KLRG1: variants seen among roughly 807,000 people sequenced by gnomAD.
KLRG1 encodes killer cell lectin-like receptor subfamily G member 1.
In KLRG1, 16 loss-of-function variants were observed where a neutral mutation model predicts 21.8. The observed-to-expected ratio is 0.73, with a 90% CI of 0.50 to 1.11. The LOEUF (loss-of-function observed/expected upper bound fraction) is 1.11. KLRG1 is among the 50% of genes most tolerant of loss of function. The probability of loss-of-function intolerance (pLI) is 0.00; values close to 1 mark genes in which losing one functional copy is unlikely to be tolerated. For missense variants in KLRG1, 173 were observed against 218.3 expected (o/e 0.79, Z 1.31); for synonymous variants, 69 against 75.9 (o/e 0.91, Z 0.47).
the KLRG1 span, chr12:9,150,860 C>G: frequency 1.0e-5 from 7 of 697,216 alleles, no homozygotes; most frequent in Non-Finnish European, 1.7e-5. Context: ...TTTAGGTGAC[C>G]AGACATTTGT....
the KLRG1 span, chr12:9,196,796 T>A: frequency 1.1e-6 from 1 of 914,340 alleles, no homozygotes; most frequent in Non-Finnish European, 1.7e-6. Context: ...ATTAAGTAAG[T>A]TAATTGACCT....
chr12:9,184,558 A>G, the KLRG1 span, among the ~76,000 whole-genome samples: 1 of 152,188 alleles, frequency 6.6e-6, no homozygotes, highest in Non-Finnish European at 1.5e-5. Context: ...ACAGCTGATG[A>G]GCGTGTACCC....
the KLRG1 span, among the ~76,000 whole-genome samples, chr12:9,138,279 A>AT: frequency 5.5e-4 from 83 of 151,584 alleles, 2 homozygotes; most frequent in African/African-American, 1.2e-3. Flanking sequence ...TAATTATGTG[A>AT]TTTTTTTTCC....
chr12:9,060,516 C>T, the KLRG1 span, among the ~76,000 whole-genome samples: 2 of 152,086 alleles, frequency 1.3e-5, no homozygotes, highest in Non-Finnish European at 2.9e-5. Flanking sequence ...CCTATAGTTC[C>T]AGCTCCTAGG....
the KLRG1 span, among the ~76,000 whole-genome samples, chr12:9,156,526 G>A: frequency 6.6e-6 from 1 of 152,198 alleles, no homozygotes; most frequent in African/African-American, 2.4e-5. Flanking sequence ...GCATTGGGTG[G>A]GAATTTAGGG....
chr12:9,118,899 G>A, the KLRG1 span, among the ~76,000 whole-genome samples: 1 of 152,146 alleles, frequency 6.6e-6, no homozygotes, highest in South Asian at 2.1e-4. Flanking sequence ...TAATACCCAC[G>A]TAGAAGATGT....
At chr12:9,195,576 T>C in the KLRG1 span, among the ~76,000 whole-genome samples, 5 of 150,526 alleles carry the variant, frequency 3.3e-5, no homozygotes, top group Admixed American at 1.3e-4. Context: ...CCCAAGCAGC[T>C]GGGACTACAG....
the KLRG1 span, among the ~76,000 whole-genome samples, chr12:9,135,951 C>T: frequency 6.8e-6 from 1 of 147,944 alleles, no homozygotes; most frequent in Non-Finnish European, 1.5e-5. Flanking sequence ...TGAACTATCA[C>T]ACTTGAAAAT....
At chr12:9,093,758 T>A in the KLRG1 span, among the ~76,000 whole-genome samples, 37,098 of 151,436 alleles carry the variant, frequency 0.24, 6,486 homozygotes, top group African/African-American at 0.5. Context: ...AATATGTTGG[T>A]TGACTTAACA....
chr12:9,153,007 C>G, the KLRG1 span: 965 of 1,612,040 alleles, frequency 6.0e-4, 1 homozygote, highest in Non-Finnish European at 7.3e-4. Flanking sequence ...CCCTCACTTC[C>G]TCATTACTTA....
chr12:9,006,328 A>G (rs1340140025), intron 3 of KLRG1, among the ~76,000 whole-genome samples: 1 of 152,242 alleles, frequency 6.6e-6, no homozygotes, highest in Non-Finnish European at 1.5e-5. Context: ...GGGAGGGAAC[A>G]TTTGAGTTGA....
At chr12:8,989,527 A>T, upstream of KLRG1, 17 of 683,662 alleles carry the variant, frequency 2.5e-5, no homozygotes, top group South Asian at 3.1e-4. Context: ...GCTTTTGTGA[A>T]GTTTCCTGCT....
chr12:9,200,686 T>C, the KLRG1 span, among the ~76,000 whole-genome samples: 2 of 152,146 alleles, frequency 1.3e-5, no homozygotes, highest in South Asian at 4.1e-4. Context: ...AAACAAGAAG[T>C]TTCATACTTG....
intron 1 of KLRG1, among the ~76,000 whole-genome samples, chr12:8,961,050 A>G (rs934823434): frequency 6.6e-6 from 1 of 152,184 alleles, no homozygotes. Flanking sequence ...TCCATTTTAC[A>G]TAAGGAAACT....
downstream of KLRG1, among the ~76,000 whole-genome samples, chr12:9,014,074 G>GA (rs1247557684): frequency 7.2e-5 from 11 of 151,922 alleles, no homozygotes; most frequent in Admixed American, 2.0e-4. Flanking sequence ...GGAGACAACA[G>GA]AAAAAAGAAT....
At chr12:9,023,658 A>G in the KLRG1 span, among the ~76,000 whole-genome samples, 5 of 151,244 alleles carry the variant, frequency 3.3e-5, no homozygotes, top group African/African-American at 1.2e-4. Context: ...CCTGGGCTCA[A>G]AATCCTCTTG....
the KLRG1 span, among the ~76,000 whole-genome samples, chr12:9,015,779 A>G: frequency 6.6e-6 from 1 of 152,214 alleles, no homozygotes; most frequent in African/African-American, 2.4e-5. Flanking sequence ...AGTCTTTAAA[A>G]GTTCAAAAAA....
intron 1 of KLRG1, among the ~76,000 whole-genome samples, chr12:8,962,839 C>T (rs1312297543): frequency 6.6e-6 from 1 of 152,092 alleles, no homozygotes; most frequent in Non-Finnish European, 1.5e-5. Flanking sequence ...ACCTGTGGTA[C>T]TACGTCAGTC....
At chr12:9,201,464 G>A in the KLRG1 span, 2 of 758,430 alleles carry the variant, frequency 2.6e-6, no homozygotes, top group Non-Finnish European at 2.2e-6. Flanking sequence ...AATTCAACAA[G>A]AAACATAACA....
Sources: gnomAD v4.1 joint callset for allele counts (sites outside exome capture counted in the v4.1 genomes callset) on GRCh38, gnomAD v4.1.1 for gene constraint, MANE v1.5 for transcripts, NCBI Gene and HGNC (gene_info 2026-07-23, HGNC 2026-07-21) for gene names.